The following RADIL variants were observed in gnomAD, a reference collection of about 807,000 sequenced individuals.
RADIL encodes Rap associating with DIL domain, also known as ras-associating and dilute domain-containing protein.
Under a neutral mutation model 97.6 loss-of-function variants are expected in RADIL, and 99 were observed. That is an observed-to-expected ratio of 1.01 (90% CI 0.86 to 1.20). The LOEUF is 1.20. Among genes scored for constraint, RADIL ranks in the 50% most tolerant of loss-of-function variants. RADIL has a pLI of 0.00. For synonymous variants in RADIL, 803 were observed against 691.8 expected (o/e 1.16, Z -2.52); for missense variants, 1,765 against 1,498.9 (o/e 1.18, Z -2.93).
Position 4,813,718 on chromosome 7 carries a change from G to A in RADIL, c.2139+1560C>T, listed in dbSNP as rs76340954. On this transcript the variant is annotated intron_variant, in intron 9 of 14. Coordinates refer to ENST00000399583, the MANE Select transcript of RADIL (RefSeq NM_018059.5). This position sits in a 1 kb window ranked among gnomAD's most constrained non-coding sequence, Gnocchi z 5.0. ...CCTCATCCTTCAGGAGCTCGCTCAC[G>A]CCTTTCAACAGATGACTTTGTGTTT... is the stretch of plus-strand genomic sequence containing the variant. Among the ~76,000 whole-genome samples the A allele has an allele frequency of 0.023, 3,524 of 152,316 alleles. 131 individuals are homozygous for A. The highest frequency in any genetic ancestry group is 0.08 in the African/African-American group (3,323 of 41,554).
At position 4,835,069 on chromosome 7, in the gene RADIL, C is replaced by G. The variant is rs1365404604; in HGVS notation, c.954G>C (p.Glu318Asp). ...SGQAAGRLVL[E>D]PIPGAHISVN... is the part of the protein sequence containing the mutation. The stretch of plus-strand genomic sequence containing the variant: ...CGGAGATGTGCGCCCCGGGGATGGG[C>G]TCCAGGACCAGCCTCCCCGCGGCCT... Residue 318 changes from glutamate (E) to aspartate (D), a missense_variant, in exon 4 of 15, where the codon GAG becomes GAC. Physicochemically the swap from Glu to Asp is conservative, Grantham distance 45. Coordinates refer to ENST00000399583, the MANE Select transcript of RADIL (RefSeq NM_018059.5). This position sits in a 1 kb window ranked among gnomAD's most constrained non-coding sequence, Gnocchi z 5.8. 1 of 1,607,838 alleles carries G rather than the reference C, an allele frequency of 6.2e-7. No homozygotes were observed. Among genetic ancestry groups the G allele is most frequent in the South Asian group, 1.1e-5 (1 of 90,324 alleles).
At chr7:4,807,697 C>T (rs1476213397) in intron 9 of RADIL, among the ~76,000 whole-genome samples, 1 of 92,680 alleles carries the variant, frequency 1.1e-5, no homozygotes, top group African/African-American at 4.5e-5. Context: ...CTCCATCTCT[C>T]TCCCCTCCCT....
At chr7:4,802,689 G>A (rs1348040102) in intron 11 of RADIL, among the ~76,000 whole-genome samples, 17 of 110,904 alleles carry the variant, frequency 1.5e-4, no homozygotes, top group African/African-American at 6.0e-4. Flanking sequence ...GGGTACCTCG[G>A]GGCACGCTGG....
intron 5 of RADIL, among the ~76,000 whole-genome samples, chr7:4,829,643 G>A (rs1219474192): frequency 6.6e-6 from 1 of 152,122 alleles, no homozygotes; most frequent in Non-Finnish European, 1.5e-5. Context: ...TGTTGTGGGA[G>A]GGACGCGGTG....
In RADIL at chr7:4,819,475, G is replaced by A. The variant is rs188385773; in HGVS notation, c.1616-2124C>T. Among the ~76,000 whole-genome samples the A allele has an allele frequency of 2.5e-4, 38 of 152,160 alleles. No homozygotes were observed. Among genetic ancestry groups the A allele is most frequent in the African/African-American group, 8.7e-4 (36 of 41,518 alleles). On this transcript the variant is annotated intron_variant, in intron 6 of 14. Transcript: ENST00000399583. The surrounding 1 kb of genome is among the most constrained non-coding windows in gnomAD (Gnocchi z 5.8). ...GAGCCATTAAGAGGACACACCAGCCGGCTGCCCCTGCCCTGCCCCGAAACT... is the reference window on the plus strand; with the variant it reads ...GAGCCATTAAGAGGACACACCAGCCAGCTGCCCCTGCCCTGCCCCGAAACT...
Position 4,835,257 on chromosome 7 carries a change from C to G in RADIL, c.784-18G>C. ...AGGCTGTCCTGAAACAGAGACTCCGCTCAGGGCAGGCGTAACGCGAGCAGC... is the reference window on the plus strand; with the variant it reads ...AGGCTGTCCTGAAACAGAGACTCCGGTCAGGGCAGGCGTAACGCGAGCAGC... On this transcript the variant is annotated intron_variant, in intron 3 of 14. Coordinates refer to ENST00000399583, the MANE Select transcript of RADIL (RefSeq NM_018059.5). This position sits in a 1 kb window ranked among gnomAD's most constrained non-coding sequence, Gnocchi z 5.8. The G allele has an allele frequency of 8.1e-6, 13 of 1,604,916 alleles. No homozygotes were observed. The highest frequency in any genetic ancestry group is 1.1e-5 in the Non-Finnish European group (13 of 1,179,448).
At position 4,834,664 on chromosome 7, in the gene RADIL, C is replaced by G; in HGVS notation, c.1359G>C (p.Pro453=). The G allele has an allele frequency of 1.5e-6, 2 of 1,368,254 alleles. No homozygotes were observed. Among genetic ancestry groups the G allele is most frequent in the Non-Finnish European group, 1.9e-6 (2 of 1,054,022 alleles). 84.8% of individuals were successfully genotyped at this position (1,368,254 alleles called of 1,614,324 possible). A position where few individuals can be genotyped will look rare whatever the true frequency, so the allele number is the denominator to read the frequency against. The change falls in exon 4 of 15, where the codon CCG becomes CCC. Residue 453 remains proline (P), a synonymous_variant. Transcript: ENST00000399583. The surrounding 1 kb of genome is among the most constrained non-coding windows in gnomAD (Gnocchi z 6.0). ...TGAGCAGGAGCTGCCCGAATGTGCC[C>G]GGCTGGAAGTGGGTGGCCGAGTGCT... is the stretch of plus-strand genomic sequence containing the variant. The part of the protein sequence containing the change: ...CIQHSATHFQ[P]GTFGQLLLKI...
rs1443100896 is a variant in RADIL at position 4,834,335 on chromosome 7, A to G, written c.1416+272T>C. 6.6e-6 allele frequency among the ~76,000 whole-genome samples: 1 copy of G among 152,134 alleles called. No homozygotes were observed. The highest frequency in any genetic ancestry group is 1.5e-5 in the Non-Finnish European group (1 of 68,004). ...CCAGCTGGACCCCAGGGAGGGTACAAGCCCAGAGCTCAGGAGGTGACCTAG... is the reference window on the plus strand; with the variant it reads ...CCAGCTGGACCCCAGGGAGGGTACAGGCCCAGAGCTCAGGAGGTGACCTAG... On this transcript the variant is annotated intron_variant, in intron 4 of 14. Transcript: ENST00000399583. The surrounding 1 kb of genome is among the most constrained non-coding windows in gnomAD (Gnocchi z 6.0).
rs373185479 is a variant in RADIL at position 4,799,723 on chromosome 7, G to T, written c.3029C>A (p.Pro1010Gln). 1.3e-6 allele frequency: 2 copies of T among 1,564,204 alleles called. No homozygotes were observed. Among genetic ancestry groups the T allele is most frequent in the Admixed American group, 1.9e-5 (1 of 52,958 alleles). ...APGLYIQTLL[P>Q]GSPAAADGRL... is the part of the protein sequence containing the mutation. ...CCCGTCGGCCGCTGCGGGGCTGCCC[G>T]GGAGCAGGGTCTGGATGTAGAGCCC... Residue 1010 changes from proline (P) to glutamine (Q), a missense_variant, in exon 14 of 15, where the codon CCG becomes CAG. Physicochemically the swap from Pro to Gln is moderately conservative, Grantham distance 76 (BLOSUM62 -1). Transcript: ENST00000399583.
intron 6 of RADIL, among the ~76,000 whole-genome samples, chr7:4,820,932 G>T (rs528576457): frequency 1.4e-3 from 220 of 152,314 alleles, no homozygotes; most frequent in Non-Finnish European, 2.6e-3. Flanking sequence ...GGCATGGGGG[G>T]GCACAGCAGG....
At chr7:4,826,503 CG>C (rs1266342388) in intron 5 of RADIL, among the ~76,000 whole-genome samples, 7 of 151,584 alleles carry the variant, frequency 4.6e-5, no homozygotes, top group African/African-American at 1.7e-4. Context: ...GAGGCTGAGG[CG>C]GGTGGATCAT....
chr7:4,833,449 C>G (rs983315459), intron 4 of RADIL, among the ~76,000 whole-genome samples: 1 of 152,066 alleles, frequency 6.6e-6, no homozygotes, highest in African/African-American at 2.4e-5. Flanking sequence ...GACACGGGCA[C>G]GCTGCAGTGG....
At chr7:4,808,891 CCCCG>C in intron 9 of RADIL, 2 of 902,970 alleles carry the variant, frequency 2.2e-6, no homozygotes, top group Non-Finnish European at 2.5e-6. Context: ...CGCCACTGCC[CCCCG>C]TTCCGACGCC....
chr7:4,808,022 C>G (rs1176726086), intron 9 of RADIL, among the ~76,000 whole-genome samples: 1 of 115,806 alleles, frequency 8.6e-6, no homozygotes, highest in Admixed American at 8.4e-5. Flanking sequence ...TCTCCTCTCC[C>G]TCCATCTTTC....
Position 4,800,212 on chromosome 7 carries a change from G to T in RADIL, c.2941C>A (p.Arg981=), listed in dbSNP as rs767435307. ...CCCATCCCCAGCCCGGAGGGGCCTC[G>T]TTCCAGCTCCACCGTGAAGACGTAG... ...FCYVFTVELE[R]GPSGLGMGLI... The change falls in exon 13 of 15, where the codon CGA becomes AGA. Residue 981 remains arginine, a synonymous_variant. Transcript: ENST00000399583. The T allele has an allele frequency of 1.2e-6, 2 of 1,608,076 alleles. No homozygotes were observed. The highest frequency in any genetic ancestry group is 1.1e-5 in the South Asian group (1 of 90,306).
chr7:4,835,123 G>A lies in RADIL; in HGVS notation c.900C>T (p.Ile300=). 6 of 1,609,878 alleles carry A rather than the reference G, an allele frequency of 3.7e-6. No individual in the cohort carries two copies. Among genetic ancestry groups the A allele is most frequent in the Non-Finnish European group, 5.1e-6 (6 of 1,178,594 alleles). Residue 300 remains isoleucine, a synonymous_variant, in exon 4 of 15, where the codon ATC becomes ATT. Transcript: ENST00000399583. The surrounding 1 kb of genome is among the most constrained non-coding windows in gnomAD (Gnocchi z 5.8). ...CGCTGTCCGGGAGCGGTTGCCGGCG[G>A]ATGGTGCAGTGTAGAGGCAGGATGT... ...APDILPLHCT[I]RRQPLPDSGQ...
chr7:4,862,458 C>T (rs1784038808), intron 2 of RADIL, among the ~76,000 whole-genome samples: 1 of 152,180 alleles, frequency 6.6e-6, no homozygotes, highest in Non-Finnish European at 1.5e-5. Flanking sequence ...TTTAAGGGCG[C>T]GATACTGCTG....
chr7:4,809,073 C>T, intron 9 of RADIL: 1 of 982,776 alleles, frequency 1.0e-6, no homozygotes, highest in Non-Finnish European at 1.2e-6. Flanking sequence ...CACTGCCCCT[C>T]CGCGTCTCCT....
Position 4,877,825 on chromosome 7 carries a change from C to G in RADIL, c.315G>C (p.Arg105Ser), listed in dbSNP as rs1335573823. 6.2e-7 allele frequency: 1 copy of G among 1,608,470 alleles called. No homozygotes were observed. Among genetic ancestry groups the G allele is most frequent in the East Asian group, 2.2e-5 (1 of 44,890 alleles). The change falls in exon 2 of 15, where the codon AGG becomes AGC. Residue 105 changes from arginine (R) to serine (S), a missense_variant. Coordinates refer to ENST00000399583, the MANE Select transcript of RADIL (RefSeq NM_018059.5). Reference sequence around the variant, plus strand: ...CACACAGCACGTACTGGCCGGCCTGCCTGGGGTCCAGGGCGTACCGCTCCA... The same window carrying G: ...CACACAGCACGTACTGGCCGGCCTGGCTGGGGTCCAGGGCGTACCGCTCCA... ...EALERYALDP[R>S]QAGQYVLCDV... is the part of the protein sequence containing the mutation.
Sources: allele counts gnomAD v4.1 joint callset (sites outside exome capture counted in the v4.1 genomes callset), GRCh38; gene constraint gnomAD v4.1.1; non-coding constraint Gnocchi (gnomAD v3.1); transcripts MANE v1.5; gene names NCBI Gene and HGNC (gene_info 2026-07-23, HGNC 2026-07-21).